MBOAT2: variants seen among roughly 807,000 people sequenced by gnomAD.
MBOAT2 encodes membrane bound glycerophospholipid O-acyltransferase 2.
A neutral mutation model predicts 63.4 loss-of-function variants in MBOAT2; 28 were observed. That is an observed-to-expected ratio of 0.44 (90% CI 0.33 to 0.61). The LOEUF (loss-of-function observed/expected upper bound fraction) is 0.61, where lower values mean the gene tolerates loss of function less well. Among genes scored for constraint, MBOAT2 ranks in the 20% least tolerant of loss-of-function variants. The pLI, the probability that MBOAT2 is intolerant of heterozygous loss-of-function variation, is 0.03. For missense variants in MBOAT2, 470 were observed against 605.8 expected (o/e 0.78, Z 2.35); for synonymous variants, 211 against 215.6 (o/e 0.98, Z 0.19).
chr2:8,877,096 A>G lies in MBOAT2; in HGVS notation c.624T>C (p.His208=). The change falls in exon 7 of 13, where the codon CAT becomes CAC. Residue 208 remains histidine (H), a synonymous_variant. Coordinates refer to ENST00000305997, the MANE Select transcript of MBOAT2 (RefSeq NM_138799.4). ...TTCCATTTTCACCAGATTGTGTGAT[A>G]TGGTATGATCTGCCTTCAATGAAAG... is the stretch of plus-strand genomic sequence containing the variant. The part of the protein sequence containing the change: ...YITFIEGRSY[H]ITQSGENGKE... 1 of 1,614,072 alleles carries G rather than the reference A, an allele frequency of 6.2e-7. No individual in the cohort carries two copies. The highest frequency in any genetic ancestry group is 8.5e-7 in the Non-Finnish European group (1 of 1,180,004).
At chr2:8,950,648 C>T (rs1200136593) in intron 2 of MBOAT2, among the ~76,000 whole-genome samples, 1 of 152,064 alleles carries the variant, frequency 6.6e-6, no homozygotes, top group African/African-American at 2.4e-5. Flanking sequence ...AGGATGGTCT[C>T]GATCTTCTGA....
chr2:8,926,057 A>T (rs1344016431), intron 3 of MBOAT2, among the ~76,000 whole-genome samples: 3 of 152,190 alleles, frequency 2.0e-5, no homozygotes, highest in Middle Eastern at 3.2e-3. Context: ...CAAGGGTGAG[A>T]AGGCAGTGTG....
At chr2:8,947,315 T>C (rs6731601) in intron 2 of MBOAT2, among the ~76,000 whole-genome samples, 133,521 of 152,232 alleles carry the variant, frequency 0.88, 58,657 homozygotes, top group East Asian at 0.96. Flanking sequence ...AGGAAAGAAG[T>C]CATCTCCAGA....
intron 1 of MBOAT2, among the ~76,000 whole-genome samples, chr2:9,002,947 T>A (rs1441857764): frequency 6.6e-6 from 1 of 152,198 alleles, no homozygotes; most frequent in African/African-American, 2.4e-5. Flanking sequence ...AACTGTTGCC[T>A]CTGTCTCTCT....
chr2:8,858,675 C>G lies in MBOAT2; in HGVS notation c.*4G>C, dbSNP rs1365820583. 2 of 1,597,688 alleles carry G rather than the reference C, an allele frequency of 1.3e-6. No homozygotes were observed. The highest frequency in any genetic ancestry group is 1.3e-5 in the African/African-American group (1 of 74,294). On this transcript the variant is annotated 3_prime_UTR_variant, in exon 13 of 13. Coordinates refer to ENST00000305997, the MANE Select transcript of MBOAT2 (RefSeq NM_138799.4). ...AAAAAAAACAGCCCTCAGAGCCTTC[C>G]CGATCACTGCTTTAGTGATGAATGT...
At chr2:8,900,080 C>A (rs186088978) in intron 4 of MBOAT2, among the ~76,000 whole-genome samples, 2 of 152,076 alleles carry the variant, frequency 1.3e-5, no homozygotes, top group Non-Finnish European at 2.9e-5. Flanking sequence ...TTTTTCCTTT[C>A]CCTGAGTTAC....
In MBOAT2 at chr2:8,925,509, G is replaced by C. The variant is rs116942731; in HGVS notation, c.300-16793C>G. On this transcript the variant is annotated intron_variant, in intron 3 of 12. Transcript: ENST00000305997. ...ACCACCATGGTTGAGCAAAAGATGA[G>C]CTGTCATAGCCTCTTAGAAATGAGG... Among the ~76,000 whole-genome samples, 1,313 of 152,308 alleles carry C rather than the reference G, an allele frequency of 8.6e-3. 38 individuals are homozygous for C. Among genetic ancestry groups the C allele is most frequent in the East Asian group, 0.083 (433 of 5,186 alleles).
chr2:9,001,670 C>A (rs922805527), intron 1 of MBOAT2, among the ~76,000 whole-genome samples: 1 of 152,190 alleles, frequency 6.6e-6, no homozygotes, highest in Non-Finnish European at 1.5e-5. Context: ...GTCACTTTCC[C>A]TTGATTCTCC....
intron 3 of MBOAT2, among the ~76,000 whole-genome samples, chr2:8,923,695 G>A (rs181190073): frequency 4.8e-4 from 73 of 152,268 alleles, no homozygotes; most frequent in African/African-American, 1.7e-3. Context: ...CCAAGGGATG[G>A]GGAACAGGGT....
intron 1 of MBOAT2, among the ~76,000 whole-genome samples, chr2:8,973,572 A>T (rs2103316514): frequency 6.6e-6 from 1 of 151,748 alleles, no homozygotes; most frequent in East Asian, 1.9e-4. Context: ...AAAAAGCAAC[A>T]ATATAAGTCA....
At chr2:8,928,702 T>A (rs926022040) in intron 3 of MBOAT2, among the ~76,000 whole-genome samples, 2 of 151,992 alleles carry the variant, frequency 1.3e-5, no homozygotes, top group Non-Finnish European at 2.9e-5. Context: ...AGTGGTACTG[T>A]CCTATATTTT....
chr2:8,938,735 T>C (rs1232429755), intron 3 of MBOAT2, among the ~76,000 whole-genome samples: 1 of 149,020 alleles, frequency 6.7e-6, no homozygotes, highest in Non-Finnish European at 1.5e-5. Context: ...ATGCCACCGT[T>C]GTCTCATGCC....
At chr2:8,926,630 G>T (rs1666952127) in intron 3 of MBOAT2, among the ~76,000 whole-genome samples, 1 of 152,220 alleles carries the variant, frequency 6.6e-6, no homozygotes. Context: ...AACTGAGAGT[G>T]GAAAGGAAGG....
chr2:8,971,005 A>G (rs1255254572), intron 1 of MBOAT2, among the ~76,000 whole-genome samples: 1 of 152,234 alleles, frequency 6.6e-6, no homozygotes, highest in East Asian at 1.9e-4. Context: ...AATCCTCCCT[A>G]ACTCATTTTA....
chr2:8,873,613 G>A (rs985282165), intron 7 of MBOAT2, among the ~76,000 whole-genome samples: 2 of 147,724 alleles, frequency 1.4e-5, no homozygotes, highest in African/African-American at 5.3e-5. Flanking sequence ...GTGAATGGAA[G>A]TGAATATAAA....
chr2:8,916,695 G>A (rs931315467), intron 3 of MBOAT2, among the ~76,000 whole-genome samples: 6 of 152,292 alleles, frequency 3.9e-5, no homozygotes, highest in East Asian at 1.9e-4. Flanking sequence ...CAAATTAAAC[G>A]GTTTACTCCA....
intron 1 of MBOAT2, among the ~76,000 whole-genome samples, chr2:8,986,771 C>T (rs1315445488): frequency 6.6e-6 from 1 of 152,042 alleles, no homozygotes; most frequent in African/African-American, 2.4e-5. Context: ...TGGATTAGTG[C>T]CCTTATAAAA....
chr2:8,866,036 CAAATAAAT>C (rs375237404), intron 9 of MBOAT2, among the ~76,000 whole-genome samples: 3 of 151,820 alleles, frequency 2.0e-5, no homozygotes, highest in Non-Finnish European at 4.4e-5. Context: ...GACTTTGTCT[CAAATAAAT>C]AAATAAATAA....
chr2:8,966,049 C>T (rs1669955155), intron 1 of MBOAT2, among the ~76,000 whole-genome samples: 3 of 152,100 alleles, frequency 2.0e-5, no homozygotes. Context: ...TTTTTGATAA[C>T]ATATTCTTAA....
Sources: gnomAD v4.1 joint callset for allele counts (sites outside exome capture counted in the v4.1 genomes callset) on GRCh38, gnomAD v4.1.1 for gene constraint, MANE v1.5 for transcripts, NCBI Gene and HGNC (gene_info 2026-07-23, HGNC 2026-07-21) for gene names.